The following SETD3 variants were observed in gnomAD, a reference collection of about 807,000 sequenced individuals.
SETD3 encodes the protein SET domain containing 3, actin N3(tau)-histidine methyltransferase, also known as actin-histidine N-methyltransferase.
In SETD3, 19 loss-of-function variants were observed where a neutral mutation model predicts 63.0. The ratio of observed to expected loss-of-function variants is 0.30; its 90% CI spans 0.21 to 0.44. The LOEUF is 0.44. Among genes scored for constraint, SETD3 ranks in the 20% least tolerant of loss-of-function variants. The pLI, the probability that SETD3 is intolerant of heterozygous loss-of-function variation, is 1.00. For synonymous variants in SETD3, 286 were observed against 264.1 expected (o/e 1.08, Z -0.80); for missense variants, 587 against 728.5 (o/e 0.81, Z 2.24).
intron 6 of SETD3, among the ~76,000 whole-genome samples, chr14:99,430,163 T>C (rs1318685183): frequency 6.6e-6 from 1 of 152,188 alleles, no homozygotes; most frequent in African/African-American, 2.4e-5. Flanking sequence ...TGGCTCCCAC[T>C]GAGGAGGAGA....
At chr14:99,413,823 C>A in intron 7 of SETD3, 53 bp downstream of exon 7, 1 of 1,570,048 alleles carries the variant, frequency 6.4e-7, no homozygotes, top group Non-Finnish European at 8.8e-7. Context: ...CAGGATCCCA[C>A]TTCACTTAGA....
intron 8 of SETD3, among the ~76,000 whole-genome samples, chr14:99,407,689 T>G (rs1201693202): frequency 6.6e-6 from 1 of 152,162 alleles, no homozygotes; most frequent in Non-Finnish European, 1.5e-5. Flanking sequence ...CTTCTACTCC[T>G]GTTGTGGCCT....
Position 99,403,447 on chromosome 14 carries a change from A to ACTCTCTCTCTCTCT in SETD3, c.1177+777_1177+778insAGAGAGAGAGAGAG, listed in dbSNP as rs1595141441. 7.9e-5 allele frequency among the ~76,000 whole-genome samples: 9 copies of ACTCTCTCTCTCTCT among 113,440 alleles called. No individual in the cohort carries two copies. In the East Asian group the frequency reaches 3.0e-3, roughly 38 times the overall value. 74.4% of individuals were successfully genotyped at this position (113,440 alleles called of 152,430 possible). ...GCAAAACATACACACACACACACAC[A>ACTCTCTCTCTCTCT]CACACACACTCTCTCTCTCTCTCTC... On this transcript the variant is annotated intron_variant, in intron 11 of 12. Coordinates refer to ENST00000331768, the MANE Select transcript of SETD3 (RefSeq NM_032233.3).
At chr14:99,426,963 C>T (rs772600864) in intron 6 of SETD3, among the ~76,000 whole-genome samples, 1 of 152,172 alleles carries the variant, frequency 6.6e-6, no homozygotes, top group Non-Finnish European at 1.5e-5. Flanking sequence ...GCCCCACATG[C>T]TGCAATCAGT....
chr14:99,426,790 C>T (rs1023521825), intron 6 of SETD3, among the ~76,000 whole-genome samples: 4 of 152,162 alleles, frequency 2.6e-5, no homozygotes, highest in Admixed American at 6.5e-5. Flanking sequence ...CACACCAGAA[C>T]GGCCTGCCAA....
chr14:99,423,134 C>A lies in SETD3; in HGVS notation c.676-9200G>T, dbSNP rs187454058. 3.3e-5 allele frequency among the ~76,000 whole-genome samples: 5 copies of A among 152,304 alleles called. No individual in the cohort carries two copies. In the East Asian group the frequency reaches 9.6e-4, roughly 29 times the overall value. On this transcript the variant is annotated intron_variant, in intron 6 of 12. Transcript: ENST00000331768. Reference sequence around the variant, plus strand: ...GATACAGCCAAATTACTGTTCTCACCTACAGCAGGGAGGTGTAAAGGCCTT... The same window carrying A: ...GATACAGCCAAATTACTGTTCTCACATACAGCAGGGAGGTGTAAAGGCCTT...
intron 3 of SETD3, among the ~76,000 whole-genome samples, chr14:99,461,756 G>A (rs561627267): frequency 8.5e-5 from 13 of 152,276 alleles, no homozygotes; most frequent in African/African-American, 2.6e-4. Flanking sequence ...AGTAGCTCGC[G>A]TATGTGCACA....
chr14:99,459,498 G>A (rs1165303594), intron 4 of SETD3, among the ~76,000 whole-genome samples: 1 of 152,154 alleles, frequency 6.6e-6, no homozygotes, highest in African/African-American at 2.4e-5. Flanking sequence ...GCATAAAGGC[G>A]TTTACTGTAT....
intron 1 of SETD3, among the ~76,000 whole-genome samples, chr14:99,474,989 G>A (rs551612738): frequency 6.6e-6 from 1 of 151,962 alleles, no homozygotes; most frequent in African/African-American, 2.4e-5. Flanking sequence ...ATTGAATGAA[G>A]TTGCAAATAA....
intron 9 of SETD3, among the ~76,000 whole-genome samples, chr14:99,406,062 C>A (rs1007794143): frequency 2.6e-5 from 4 of 152,130 alleles, no homozygotes; most frequent in African/African-American, 9.7e-5. Context: ...CCCACCCAAA[C>A]TACTAGATTA....
intron 1 of SETD3, among the ~76,000 whole-genome samples, chr14:99,476,940 T>C (rs1595287104): frequency 1.3e-5 from 2 of 152,332 alleles, no homozygotes; most frequent in East Asian, 1.9e-4. Flanking sequence ...CTACATTCTC[T>C]AGACAATTTT....
intron 4 of SETD3, among the ~76,000 whole-genome samples, chr14:99,460,638 C>T (rs996115953): frequency 6.6e-6 from 1 of 152,192 alleles, no homozygotes; most frequent in African/African-American, 2.4e-5. Flanking sequence ...AGAGGCCAGG[C>T]ATGGCCAGTG....
At chr14:99,463,634 A>T in intron 2 of SETD3, 56 bp from the exon 3 acceptor site, 1 of 1,369,470 alleles carries the variant, frequency 7.3e-7, no homozygotes, top group South Asian at 1.2e-5. Flanking sequence ...TTAACCTACT[A>T]GTCTGCACAA....
At chr14:99,480,908 C>T (rs1345062890), upstream of SETD3, 2 of 152,268 alleles carry the variant, frequency 1.3e-5, no homozygotes, top group East Asian at 3.9e-4. Context: ...CGCCCCGGAC[C>T]CCGCCCCCGG....
At chr14:99,464,820 C>T (rs964060893) in intron 2 of SETD3, among the ~76,000 whole-genome samples, 3 of 152,182 alleles carry the variant, frequency 2.0e-5, no homozygotes, top group African/African-American at 7.2e-5. Flanking sequence ...CTTCCTTAAA[C>T]TAAGAACTCT....
At chr14:99,485,352 C>G (rs2139847447), upstream of SETD3, among the ~76,000 whole-genome samples, 1 of 152,260 alleles carries the variant, frequency 6.6e-6, no homozygotes, top group East Asian at 1.9e-4. Context: ...CAACAGATAT[C>G]TTGGCATTAT....
intron 8 of SETD3, among the ~76,000 whole-genome samples, chr14:99,410,413 G>A (rs1223136684): frequency 1.3e-5 from 2 of 152,000 alleles, no homozygotes. Context: ...TCCCTCCGTT[G>A]TGCCTGAATT....
At chr14:99,450,857 T>C (rs980149280) in intron 6 of SETD3, among the ~76,000 whole-genome samples, 11 of 152,332 alleles carry the variant, frequency 7.2e-5, no homozygotes, top group African/African-American at 2.6e-4. Flanking sequence ...CCTGTATGCC[T>C]GCATTTACTT....
intron 1 of SETD3, among the ~76,000 whole-genome samples, chr14:99,474,846 A>G (rs1895888424): frequency 6.6e-6 from 1 of 151,142 alleles, no homozygotes; most frequent in Non-Finnish European, 1.5e-5. Context: ...AAATAAATAA[A>G]TAAATAAGCA....
Sources: gnomAD v4.1 joint callset for allele counts (sites outside exome capture counted in the v4.1 genomes callset) on GRCh38, gnomAD v4.1.1 for gene constraint, MANE v1.5 for transcripts, NCBI Gene and HGNC (gene_info 2026-07-23, HGNC 2026-07-21) for gene names.